C1orf141: variants seen among roughly 807,000 people sequenced by gnomAD.
The protein encoded by C1orf141 is uncharacterized protein C1orf141.
In C1orf141, 19 loss-of-function variants were observed where a neutral mutation model predicts 23.2. That is an observed-to-expected ratio of 0.82 (90% confidence interval 0.57 to 1.20). C1orf141 has a LOEUF of 1.20. Among genes scored for constraint, C1orf141 ranks in the 50% most tolerant of loss-of-function variants. The pLI is 0.00. For synonymous variants in C1orf141, 153 were observed against 154.6 expected (o/e 0.99, Z 0.08); for missense variants, 469 against 455.1 (o/e 1.03, Z -0.28).
At chr1:67,104,282 T>C (rs1645871782) in intron 5 of C1orf141, among the ~76,000 whole-genome samples, 1 of 152,080 alleles carries the variant, frequency 6.6e-6, no homozygotes, top group Admixed American at 6.6e-5. Flanking sequence ...ATTTAAAAGA[T>C]GAGGGCATTG....
At position 67,092,943 on chromosome 1, in the gene C1orf141, T is replaced by C; in HGVS notation, c.*62A>G. The C allele has an allele frequency of 7.6e-7, 1 of 1,318,136 alleles. No homozygotes were observed. The highest frequency in any genetic ancestry group is 1.0e-6 in the Non-Finnish European group (1 of 955,492). The allele number at this position is 1,318,136 out of a possible 1,614,324, so 81.7% of individuals were successfully genotyped here. ...TTACTATTTGGATAAGAATTTCTTT[T>C]ATAATTTTGGAACTTGGATATTTGC... is the stretch of plus-strand genomic sequence containing the variant. On this transcript the variant is annotated 3_prime_UTR_variant, in exon 8 of 8. Coordinates refer to ENST00000684719, the MANE Select transcript of C1orf141 (RefSeq NM_001276351.2).
chr1:67,095,904 A>AT (rs139323366), intron 6 of C1orf141: 16,456 of 184,630 alleles, frequency 0.089, 1,250 homozygotes, highest in African/African-American at 0.21. Flanking sequence ...TGGATTAATG[A>AT]TTTTTTTCAT....
chr1:67,120,233 G>T (rs770594404), intron 4 of C1orf141, among the ~76,000 whole-genome samples: 1 of 152,142 alleles, frequency 6.6e-6, no homozygotes, highest in Admixed American at 6.5e-5. Context: ...CATCAACGTA[G>T]CTTGGAAACA....
At chr1:67,118,107 GATTTC>G (rs1419776520) in intron 4 of C1orf141, among the ~76,000 whole-genome samples, 1 of 152,048 alleles carries the variant, frequency 6.6e-6, no homozygotes, top group African/African-American at 2.4e-5. Flanking sequence ...TATAGTGTTG[GATTTC>G]ATTTTGTTAA....
At chr1:67,095,177 T>C in intron 7 of C1orf141, 58 bp downstream of exon 7, 1 of 989,568 alleles carries the variant, frequency 1.0e-6, no homozygotes, top group African/African-American at 1.6e-5. Context: ...ATATGGGTGA[T>C]TCCCATAAGT....
chr1:67,103,619 C>T (rs1047158299), intron 5 of C1orf141, among the ~76,000 whole-genome samples: 4 of 152,078 alleles, frequency 2.6e-5, no homozygotes, highest in African/African-American at 4.8e-5. Context: ...TGCTTATGCT[C>T]ACATTTTTTA....
At chr1:67,101,461 T>TGTGTGC (rs1415560483) in intron 5 of C1orf141, among the ~76,000 whole-genome samples, 1 of 150,344 alleles carries the variant, frequency 6.7e-6, no homozygotes, top group Non-Finnish European at 1.5e-5. Flanking sequence ...TGTGTGTGTG[T>TGTGTGC]GTGTGTGTGT....
chr1:67,140,023 G>A (rs553017751), intron 1 of C1orf141, among the ~76,000 whole-genome samples: 20 of 152,274 alleles, frequency 1.3e-4, no homozygotes, highest in Middle Eastern at 3.4e-3. Context: ...CTGTGCCACC[G>A]TGGGACTCTG....
intron 4 of C1orf141, among the ~76,000 whole-genome samples, chr1:67,121,429 C>T (rs1646296936): frequency 6.6e-6 from 1 of 152,114 alleles, no homozygotes; most frequent in Non-Finnish European, 1.5e-5. Flanking sequence ...TTGCCAATTG[C>T]TGTGGTGTAA....
In C1orf141 at chr1:67,093,531, C is replaced by A; in HGVS notation, c.677G>T (p.Arg226Ile). The change falls in exon 8 of 8, where the codon AGA (arginine) becomes ATA (isoleucine). Residue 226 changes from arginine to isoleucine, a missense_variant. Transcript: ENST00000684719. ...ATTTTCCAAAGGATGAGAAGAAAAT[C>A]TATTTTTTGTCAAAAGTAACATTCG... ...YVRMLLLTKN[R>I]FSSHPLENEN... The A allele has an allele frequency of 1.2e-6, 2 of 1,604,980 alleles. No individual in the cohort carries two copies. The highest frequency in any genetic ancestry group is 2.2e-5 in the East Asian group (1 of 44,714).
intron 1 of C1orf141, among the ~76,000 whole-genome samples, 151 bp downstream of exon 1, chr1:67,134,779 C>G (rs929734698): frequency 1.4e-4 from 21 of 152,252 alleles, no homozygotes; most frequent in Middle Eastern, 3.2e-3. Context: ...CAACCACACT[C>G]TCCCGGTCCA....
intron 5 of C1orf141, chr1:67,113,895 T>C: frequency 3.0e-6 from 1 of 334,180 alleles, no homozygotes; most frequent in Non-Finnish European, 5.7e-6. Context: ...AGAGAATCAT[T>C]GACTTAAAAG....
In C1orf141 at chr1:67,130,919, G is replaced by T. The variant is rs1407790395; in HGVS notation, c.-18+223C>A. Among the ~76,000 whole-genome samples, 2 of 152,202 alleles carry T rather than the reference G, an allele frequency of 1.3e-5. 1 individual carries two copies. Among genetic ancestry groups the T allele is most frequent in the Non-Finnish European group, 2.9e-5 (2 of 68,032 alleles). Reference sequence around the variant, plus strand: ...GGATAAATGGCCCTGGGAAAAAGTGGAGGTGAGGAAACACTATAGATTAAC... The same window carrying T: ...GGATAAATGGCCCTGGGAAAAAGTGTAGGTGAGGAAACACTATAGATTAAC... On this transcript the variant is annotated intron_variant, in intron 2 of 7. Transcript: ENST00000684719.
rs916153009 is a variant in C1orf141, at chr1:67,116,999, G to C, written c.234-1535C>G. ...TATTATATATTCATTTGTTTATTTA[G>C]TTTATTATCTCTCTCCCCATCTTAT... On this transcript the variant is annotated intron_variant, in intron 4 of 7. Transcript: ENST00000684719. Among the ~76,000 whole-genome samples, 5 of 151,940 alleles carry C rather than the reference G, an allele frequency of 3.3e-5. No homozygotes were observed. The East Asian group carries it at 9.6e-4, about 29-fold the overall frequency.
intron 5 of C1orf141, among the ~76,000 whole-genome samples, chr1:67,096,647 T>C (rs573008955): frequency 1.3e-5 from 2 of 152,352 alleles, no homozygotes; most frequent in South Asian, 2.1e-4. Context: ...TTCAGACGGT[T>C]ATCACTTGGT....
Position 67,125,896 on chromosome 1 carries a change from T to C in C1orf141, c.89A>G (p.Gln30Arg). Reference sequence around the variant, plus strand: ...CATAGTTGTTTTTCTTCCTTCACTCTGAAGCCTGTTTATCTGCAGCAATGC... The same window carrying C: ...CATAGTTGTTTTTCTTCCTTCACTCCGAAGCCTGTTTATCTGCAGCAATGC... ...LARRTKINRL[Q>R]SEGRKTTMAI... Residue 30 changes from glutamine to arginine, a missense_variant, in exon 4 of 8, where the codon CAG (glutamine) becomes CGG (arginine). By Grantham distance (43) the Gln-to-Arg change is conservative. Around this residue, in one of 3 missense-constraint regions of C1orf141, gnomAD observed 95 missense variants for 90.3 expected, o/e 1.05. Coordinates refer to ENST00000684719, the MANE Select transcript of C1orf141 (RefSeq NM_001276351.2). 2 of 1,597,902 alleles carry C rather than the reference T, an allele frequency of 1.3e-6. No homozygotes were observed. Among genetic ancestry groups the C allele is most frequent in the East Asian group, 2.3e-5 (1 of 44,438 alleles).
At chr1:67,136,488 G>A (rs772299127), upstream of C1orf141, among the ~76,000 whole-genome samples, 4 of 152,122 alleles carry the variant, frequency 2.6e-5, no homozygotes, top group African/African-American at 9.7e-5. Context: ...TTGTACAGAG[G>A]TGAAAATTAG....
At chr1:67,133,863 T>G (rs528488450) in intron 1 of C1orf141, among the ~76,000 whole-genome samples, 2 of 152,268 alleles carry the variant, frequency 1.3e-5, no homozygotes, top group East Asian at 3.9e-4. Flanking sequence ...GAAAACAAAT[T>G]TCTGTTGTTT....
intron 1 of C1orf141, among the ~76,000 whole-genome samples, chr1:67,131,685 C>T (rs1646518221): frequency 6.6e-6 from 1 of 152,034 alleles, no homozygotes; most frequent in Non-Finnish European, 1.5e-5. Flanking sequence ...TTCTCAAGCA[C>T]ACCATTCACT....
Sources: allele counts gnomAD v4.1 joint callset (sites outside exome capture counted in the v4.1 genomes callset), GRCh38; gene constraint gnomAD v4.1.1; regional missense constraint gnomAD v4.1.1; transcripts MANE v1.5; gene names NCBI Gene and HGNC (gene_info 2026-07-23, HGNC 2026-07-21).